The following PELI2 variants were observed in gnomAD, a reference collection of about 807,000 sequenced individuals.
PELI2 encodes pellino E3 ubiquitin protein ligase family member 2.
PELI2 carries 23 observed loss-of-function variants against 42.3 expected under a neutral mutation model. The observed-to-expected ratio is 0.54, with a 90% CI of 0.39 to 0.77. The LOEUF is 0.77. Ranked by LOEUF, PELI2 falls within the 30% of genes least tolerant of loss-of-function variation. The probability of loss-of-function intolerance (pLI) is 0.00; values close to 1 mark genes in which losing one functional copy is unlikely to be tolerated. For synonymous variants in PELI2, 245 were observed against 212.2 expected, an observed-to-expected ratio of 1.15 and a Z score of -1.34; for missense variants, 463 against 553.2, an observed-to-expected ratio of 0.84 and a Z score of 1.64.
rs574770496 is a variant in PELI2 at position 56,214,177 on chromosome 14, T to A, written c.207+35713T>A. 3.3e-5 allele frequency among the ~76,000 whole-genome samples: 5 copies of A among 152,200 alleles called. No individual in the cohort carries two copies. In the South Asian group the frequency reaches 1.0e-3, roughly 32 times the overall value. ...CACAGTGGTTGTTTTTAAAGACTCA[T>A]TTACAAGATTTGTCCTAATGTCACT... On this transcript the variant is annotated intron_variant, in intron 2 of 5. Transcript: ENST00000267460.
At chr14:56,127,131 A>G (rs1445105912) in intron 1 of PELI2, among the ~76,000 whole-genome samples, 2 of 152,108 alleles carry the variant, frequency 1.3e-5, no homozygotes, top group African/African-American at 2.4e-5. Flanking sequence ...GTCTTTTTGC[A>G]TTTGTTAATC....
intron 2 of PELI2, among the ~76,000 whole-genome samples, chr14:56,214,903 G>C (rs1280891571): frequency 6.6e-6 from 1 of 152,184 alleles, no homozygotes; most frequent in Non-Finnish European, 1.5e-5. Context: ...CATTGCCAGC[G>C]TTGACAGAGG....
Position 56,300,678 on chromosome 14 carries a change from T to C in PELI2, c.*3512T>C, listed in dbSNP as rs1890146895. 1 of 152,214 alleles carries C rather than the reference T, an allele frequency of 6.6e-6. No individual in the cohort carries two copies. The highest frequency in any genetic ancestry group is 2.1e-4 in the South Asian group (1 of 4,836). The allele number at this position is 152,214 out of a possible 1,614,324, so 9.4% of individuals were successfully genotyped here. A position where few individuals can be genotyped will look rare whatever the true frequency, so the allele number is the denominator to read the frequency against. ...CATTGTTAATGCTGGGTAAAAACTA[T>C]CTTCTTGCAGCCTTGCCTCATAACA... is the stretch of plus-strand genomic sequence containing the variant. On this transcript the variant is annotated 3_prime_UTR_variant, in exon 6 of 6. Transcript: ENST00000267460.
In PELI2 at chr14:56,298,672, A is replaced by C. The variant is rs1890087492; in HGVS notation, c.*1506A>C. The C allele has an allele frequency of 1.3e-5, 2 of 152,628 alleles. No individual in the cohort carries two copies. Among genetic ancestry groups the C allele is most frequent in the Admixed American group, 6.5e-5 (1 of 15,286 alleles). 9.5% of individuals were successfully genotyped at this position (152,628 alleles called of 1,614,324 possible). A position where few individuals can be genotyped will look rare whatever the true frequency, so the allele number is the denominator to read the frequency against. ...ACTGGCAAATATTTTGCCTATTTTCAGTCGTTCTAACCTATTTGAATACGC... is the reference window on the plus strand; with the variant it reads ...ACTGGCAAATATTTTGCCTATTTTCCGTCGTTCTAACCTATTTGAATACGC... On this transcript the variant is annotated 3_prime_UTR_variant, in exon 6 of 6. Transcript: ENST00000267460.
chr14:56,278,482 G>A (rs1889368715), intron 2 of PELI2, among the ~76,000 whole-genome samples: 2 of 152,140 alleles, frequency 1.3e-5, no homozygotes, highest in African/African-American at 4.8e-5. Context: ...ATGTCTGTTA[G>A]TAGTGTTGAG....
chr14:56,192,595 A>G (rs1885989123), intron 2 of PELI2, among the ~76,000 whole-genome samples: 1 of 152,160 alleles, frequency 6.6e-6, no homozygotes, highest in African/African-American at 2.4e-5. Context: ...ATTAAGCTCT[A>G]ATTAGTATGG....
At chr14:56,179,435 GCTC>G (rs1054358231) in intron 2 of PELI2, among the ~76,000 whole-genome samples, 6 of 152,138 alleles carry the variant, frequency 3.9e-5, no homozygotes, top group African/African-American at 1.4e-4. Flanking sequence ...TTTTTAAAAA[GCTC>G]CTATTTCTGA....
chr14:56,266,219 T>C (rs1411364553), intron 2 of PELI2, among the ~76,000 whole-genome samples: 1 of 152,002 alleles, frequency 6.6e-6, no homozygotes, highest in Non-Finnish European at 1.5e-5. Context: ...TTTCTAACTA[T>C]AAAGTAAAAT....
At chr14:56,118,789 G>A in intron 1 of PELI2, 52 bp downstream of exon 1, 4 of 1,265,338 alleles carry the variant, frequency 3.2e-6, no homozygotes, top group Admixed American at 2.7e-5. Context: ...GGGAGCGCCC[G>A]CATCCTGGAG....
In PELI2 at chr14:56,167,759, A is replaced by G. The variant is rs2139650253; in HGVS notation, c.78-10576A>G. ...ATGTTCTTCAGTGTCTGGGCATTCA[A>G]AAATTAGGTACTTACTGTAGTCTTC... On this transcript the variant is annotated intron_variant, in intron 1 of 5. Transcript: ENST00000267460. Among the ~76,000 whole-genome samples the G allele has an allele frequency of 2.0e-5, 3 of 152,280 alleles. No homozygotes were observed. In the South Asian group the frequency reaches 6.2e-4, roughly 32 times the overall value.
intron 2 of PELI2, among the ~76,000 whole-genome samples, chr14:56,246,186 CAG>C (rs1418959881): frequency 2.6e-5 from 4 of 152,120 alleles, no homozygotes; most frequent in African/African-American, 9.7e-5. Context: ...ATGGGGCAAA[CAG>C]AGGTTGTAAA....
intron 2 of PELI2, among the ~76,000 whole-genome samples, chr14:56,210,341 T>A (rs1886670300): frequency 6.6e-6 from 1 of 152,264 alleles, no homozygotes. Context: ...TGGTTTTCTT[T>A]GGGATGAGGA....
chr14:56,222,988 A>G (rs1296662645), intron 2 of PELI2, among the ~76,000 whole-genome samples: 1 of 152,204 alleles, frequency 6.6e-6, no homozygotes, highest in Non-Finnish European at 1.5e-5. Context: ...ATGGTGAACA[A>G]TCGAGGACAT....
At chr14:56,275,241 A>T (rs776468456) in intron 2 of PELI2, among the ~76,000 whole-genome samples, 1 of 152,120 alleles carries the variant, frequency 6.6e-6, no homozygotes, top group African/African-American at 2.4e-5. Context: ...AGAGAAGTGA[A>T]TATAGGAAAT....
intron 1 of PELI2, among the ~76,000 whole-genome samples, chr14:56,141,806 C>T (rs988035199): frequency 5.3e-5 from 8 of 152,120 alleles, no homozygotes; most frequent in African/African-American, 1.2e-4. Context: ...GGGTTTATTA[C>T]GGTTCAAGGT....
intron 2 of PELI2, among the ~76,000 whole-genome samples, chr14:56,276,073 C>T (rs1889280934): frequency 6.6e-6 from 1 of 152,076 alleles, no homozygotes. Flanking sequence ...TTCTGAAAGT[C>T]ATATTTTAAA....
chr14:56,216,460 A>G (rs1886908291), intron 2 of PELI2, among the ~76,000 whole-genome samples: 1 of 152,256 alleles, frequency 6.6e-6, no homozygotes, highest in Non-Finnish European at 1.5e-5. Flanking sequence ...GTTATTTTGT[A>G]AAACACACAT....
chr14:56,257,841 A>G (rs919362300), intron 2 of PELI2, among the ~76,000 whole-genome samples: 4 of 152,224 alleles, frequency 2.6e-5, no homozygotes, highest in Non-Finnish European at 4.4e-5. Flanking sequence ...GACAAAGATT[A>G]CAGTCTGAGG....
intron 5 of PELI2, among the ~76,000 whole-genome samples, chr14:56,291,131 T>A (rs1889813897): frequency 6.6e-6 from 1 of 152,234 alleles, no homozygotes; most frequent in Non-Finnish European, 1.5e-5. Context: ...GCCATAGCCA[T>A]GTAGCACAGC....
Sources: gnomAD v4.1 joint callset for allele counts (sites outside exome capture counted in the v4.1 genomes callset) on GRCh38, gnomAD v4.1.1 for gene constraint, MANE v1.5 for transcripts, NCBI Gene and HGNC (gene_info 2026-07-23, HGNC 2026-07-21) for gene names.